RGS7: variants seen among roughly 807,000 people sequenced by gnomAD.
RGS7 encodes the protein regulator of G protein signaling 7.
In RGS7, 27 loss-of-function variants were observed where a neutral mutation model predicts 81.1. The observed-to-expected ratio is 0.33, with a 90% CI of 0.25 to 0.46. RGS7 has a LOEUF of 0.46. Ranked by LOEUF, RGS7 falls within the 20% of genes least tolerant of loss-of-function variation. RGS7 has a pLI of 1.00. For synonymous variants in RGS7, 208 were observed against 207.7 expected (o/e 1.00, Z -0.01); for missense variants, 396 against 607.4 (o/e 0.65, Z 3.66).
chr1:241,185,088 T>C (rs2071975572), intron 2 of RGS7, among the ~76,000 whole-genome samples: 1 of 152,194 alleles, frequency 6.6e-6, no homozygotes, highest in Non-Finnish European at 1.5e-5. Context: ...ATCCATGAAA[T>C]ATACATGAAT....
chr1:241,220,561 A>G (rs1262444235), intron 2 of RGS7, among the ~76,000 whole-genome samples: 2 of 152,102 alleles, frequency 1.3e-5, no homozygotes, highest in Non-Finnish European at 2.9e-5. Context: ...AAATACTGGG[A>G]AAGAAATCCT....
At chr1:241,056,873 C>T (rs2061500922) in intron 3 of RGS7, among the ~76,000 whole-genome samples, 1 of 152,148 alleles carries the variant, frequency 6.6e-6, no homozygotes, top group African/African-American at 2.4e-5. Context: ...ATAAATAAAG[C>T]CATTTACTTA....
At chr1:240,932,016 C>T (rs1675528708) in intron 5 of RGS7, among the ~76,000 whole-genome samples, 1 of 152,104 alleles carries the variant, frequency 6.6e-6, no homozygotes, top group Non-Finnish European at 1.5e-5. Context: ...TATCTGTTAG[C>T]TAATTACACT....
rs1302244436 is a variant in RGS7, at chr1:241,197,505, C to T, written c.79-98743G>A. 3.6e-4 allele frequency among the ~76,000 whole-genome samples: 2 copies of T among 5,568 alleles called. 1 individual carries two copies. Among genetic ancestry groups the T allele is most frequent in the African/African-American group, 8.3e-4 (2 of 2,410 alleles). The allele number at this position is 5,568 out of a possible 152,430, so 3.7% of individuals were successfully genotyped here. On this transcript the variant is annotated intron_variant, in intron 2 of 18. Transcript: ENST00000440928. ...TCCTGACCTCGTGATCCGCCCGCCT[C>T]GGCCTCCCAAAGTGCTGGGATTACA...
chr1:241,290,527 T>C (rs2079034545), intron 2 of RGS7, among the ~76,000 whole-genome samples: 2 of 152,208 alleles, frequency 1.3e-5, no homozygotes, highest in African/African-American at 4.8e-5. Context: ...AAGGAAATTG[T>C]GTCCTGTTCT....
intron 6 of RGS7, among the ~76,000 whole-genome samples, chr1:240,876,908 C>T (rs1182346861): frequency 6.6e-6 from 1 of 152,054 alleles, no homozygotes; most frequent in Non-Finnish European, 1.5e-5. Context: ...TTGCAGTGAG[C>T]CGAGATCAGG....
At chr1:241,152,228 G>A (rs941335918) in intron 2 of RGS7, among the ~76,000 whole-genome samples, 2 of 151,302 alleles carry the variant, frequency 1.3e-5, no homozygotes, top group Non-Finnish European at 2.9e-5. Flanking sequence ...ACGTATGTTT[G>A]ATACTCTTAA....
At chr1:241,320,907 T>C (rs1357150923) in intron 2 of RGS7, among the ~76,000 whole-genome samples, 2 of 152,300 alleles carry the variant, frequency 1.3e-5, no homozygotes, top group South Asian at 2.1e-4. Context: ...CAAAGCTTAA[T>C]AAAGGCTGCA....
intron 4 of RGS7, among the ~76,000 whole-genome samples, chr1:240,957,083 A>G (rs1477713317): frequency 1.3e-5 from 2 of 152,158 alleles, no homozygotes; most frequent in African/African-American, 4.8e-5. Flanking sequence ...AGAGGAGATT[A>G]ACATTTGAGG....
At chr1:240,977,274 C>T (rs1684271820) in intron 4 of RGS7, among the ~76,000 whole-genome samples, 1 of 152,140 alleles carries the variant, frequency 6.6e-6, no homozygotes, top group African/African-American at 2.4e-5. Context: ...CATTAATTTT[C>T]CTCCCTATGA....
intron 3 of RGS7, among the ~76,000 whole-genome samples, chr1:241,013,352 C>T (rs1002932707): frequency 3.9e-5 from 6 of 152,224 alleles, no homozygotes; most frequent in South Asian, 2.1e-4. Context: ...CATGAGCCAC[C>T]GCACCTGGCC....
intron 2 of RGS7, among the ~76,000 whole-genome samples, chr1:241,292,378 A>C (rs2079139609): frequency 1.3e-5 from 2 of 152,222 alleles, no homozygotes; most frequent in South Asian, 4.1e-4. Flanking sequence ...GCAAAATAAA[A>C]AGAGAGGACT....
Position 240,813,636 on chromosome 1 carries a change from A to C in RGS7, c.938T>G (p.Phe313Cys). 3 of 1,612,630 alleles carry C rather than the reference A, an allele frequency of 1.9e-6. No homozygotes were observed. The highest frequency in any genetic ancestry group is 2.5e-6 in the Non-Finnish European group (3 of 1,178,588). The part of the protein sequence containing the change: ...SNPWLSDDTT[F>C]WELEASKEPS... ...CACCTACCTTGCCTCAAGTTCCCAG[A>C]AAGTGGTGTCATCGGACAGCCATGG... The change falls in exon 13 of 19, where the codon TTC becomes TGC. Residue 313 changes from phenylalanine to cysteine, a missense_variant. Coordinates refer to ENST00000440928, the MANE Select transcript of RGS7 (RefSeq NM_001364886.1).
chr1:241,098,631 A>C (rs2064473981), intron 3 of RGS7, 35 bp downstream of exon 3: 1 of 1,362,760 alleles, frequency 7.3e-7, no homozygotes, highest in Admixed American at 1.7e-5. Context: ...TAAGAGGTAC[A>C]GGAGAAAACA....
At chr1:240,813,359 C>A (rs1690215249) in intron 13 of RGS7, among the ~76,000 whole-genome samples, 1 of 152,154 alleles carries the variant, frequency 6.6e-6, no homozygotes, top group Admixed American at 6.5e-5. Flanking sequence ...AGCTGAAGAT[C>A]CTAACTCTGA....
intron 2 of RGS7, among the ~76,000 whole-genome samples, chr1:241,274,841 T>C (rs2078106207): frequency 1.3e-5 from 2 of 152,230 alleles, no homozygotes; most frequent in Non-Finnish European, 2.9e-5. Flanking sequence ...CATATCAGCC[T>C]GAGAAATTAG....
intron 4 of RGS7, 21 bp downstream of exon 4, chr1:240,983,058 A>C: frequency 7.0e-7 from 1 of 1,432,980 alleles, no homozygotes; most frequent in South Asian, 1.2e-5. Flanking sequence ...AGTTCTTGCA[A>C]TGGGAAAATG....
intron 3 of RGS7, among the ~76,000 whole-genome samples, chr1:241,097,042 C>G (rs116679899): frequency 0.022 from 3,271 of 152,010 alleles, 58 homozygotes; most frequent in Non-Finnish European, 0.031. Context: ...CCAAATGGAG[C>G]TTAAGGTTTA....
chr1:240,825,249 G>C (rs1274709741), intron 10 of RGS7, among the ~76,000 whole-genome samples: 1 of 152,186 alleles, frequency 6.6e-6, no homozygotes, highest in Non-Finnish European at 1.5e-5. Flanking sequence ...ATAGAGTACA[G>C]ACTCCTTAAT....
Sources: allele counts gnomAD v4.1 joint callset (sites outside exome capture counted in the v4.1 genomes callset), GRCh38; gene constraint gnomAD v4.1.1; transcripts MANE v1.5; gene names NCBI Gene and HGNC (gene_info 2026-07-23, HGNC 2026-07-21).